Variants in IL1RAP observed in about 807,000 individuals in gnomAD.
IL1RAP encodes interleukin-1 receptor accessory protein.
In IL1RAP, 35 loss-of-function variants were observed where a neutral mutation model predicts 60.7. The ratio of observed to expected loss-of-function variants is 0.58; its 90% CI spans 0.44 to 0.76. The LOEUF (loss-of-function observed/expected upper bound fraction) is 0.76. IL1RAP is among the 30% of genes least tolerant of loss of function. The probability of loss-of-function intolerance (pLI) is 0.00; values close to 1 mark genes in which losing one functional copy is unlikely to be tolerated. For missense variants in IL1RAP, 572 were observed against 693.9 expected (o/e 0.82, Z 1.97); for synonymous variants, 268 against 250.9 (o/e 1.07, Z -0.64).
chr3:190,619,677 A>T lies in IL1RAP; in HGVS notation c.538-598A>T, dbSNP rs377595761. 2.3e-3 allele frequency among the ~76,000 whole-genome samples: 353 copies of T among 151,940 alleles called. 3 individuals carry two copies. Among genetic ancestry groups the T allele is most frequent in the African/African-American group, 8.2e-3 (341 of 41,396 alleles). On this transcript the variant is annotated intron_variant, in intron 5 of 11. Transcript: ENST00000447382. ...AAGACTGAGGTTGCAATGAGCTGAG[A>T]TCACGCCACTGCACTCCAGCCTGGG...
intron 3 of IL1RAP, among the ~76,000 whole-genome samples, chr3:190,582,618 A>C (rs999616193): frequency 1.4e-4 from 21 of 152,046 alleles, no homozygotes; most frequent in Admixed American, 1.4e-3. Context: ...TGCCTGGCAC[A>C]TTCTTAAATT....
chr3:190,580,967 G>C (rs1465676665), intron 3 of IL1RAP, among the ~76,000 whole-genome samples: 3 of 152,128 alleles, frequency 2.0e-5, no homozygotes, highest in African/African-American at 7.2e-5. Context: ...ACAGCTTTCT[G>C]TATGTCAATC....
intron 8 of IL1RAP, among the ~76,000 whole-genome samples, chr3:190,628,036 G>A (rs926232815): frequency 1.4e-4 from 22 of 151,968 alleles, no homozygotes; most frequent in South Asian, 1.2e-3. Context: ...ATACGTTTGT[G>A]TAATTTAAAT....
chr3:190,649,460 C>T lies in IL1RAP; in HGVS notation c.*755C>T. The T allele has an allele frequency of 1.0e-6, 1 of 985,592 alleles. No homozygotes were observed. Among genetic ancestry groups the T allele is most frequent in the East Asian group, 1.1e-4 (1 of 8,808 alleles). 61.1% of individuals were successfully genotyped at this position (985,592 alleles called of 1,614,324 possible). ...CCCTATCTGCTTATATCGCATTGCT[C>T]ATTTAGAGTTTGCAGGAGGCTCCAT... On this transcript the variant is annotated 3_prime_UTR_variant, in exon 12 of 12. Coordinates refer to ENST00000447382, the MANE Select transcript of IL1RAP (RefSeq NM_002182.4).
chr3:190,586,008 T>C (rs1728422024), intron 3 of IL1RAP, among the ~76,000 whole-genome samples: 1 of 152,014 alleles, frequency 6.6e-6, no homozygotes, highest in Non-Finnish European at 1.5e-5. Flanking sequence ...TAACTCATCA[T>C]GGCTCACATC....
intron 1 of IL1RAP, among the ~76,000 whole-genome samples, chr3:190,532,876 C>CT (rs1039586580): frequency 6.6e-6 from 1 of 152,160 alleles, no homozygotes; most frequent in Non-Finnish European, 1.5e-5. Context: ...TCCTTTTCTC[C>CT]TTTTTCAATT....
intron 4 of IL1RAP, among the ~76,000 whole-genome samples, 200 bp from the exon 5 acceptor site, chr3:190,608,791 GTTAA>G (rs1475629112): frequency 1.3e-5 from 2 of 150,872 alleles, no homozygotes; most frequent in Non-Finnish European, 3.0e-5. Context: ...ATTAATAGTA[GTTAA>G]TTAATTGTGC....
At chr3:190,634,354 T>G (rs1733024061) in intron 9 of IL1RAP, among the ~76,000 whole-genome samples, 1 of 150,910 alleles carries the variant, frequency 6.6e-6, no homozygotes, top group Admixed American at 6.6e-5. Flanking sequence ...AGTGGCGCGA[T>G]CTCGGCTCAG....
At chr3:190,641,482 G>A (rs1441272378) in intron 9 of IL1RAP, among the ~76,000 whole-genome samples, 3 of 152,152 alleles carry the variant, frequency 2.0e-5, no homozygotes, top group Admixed American at 6.5e-5. Context: ...AGTTCGATAC[G>A]TTAAGTAGCA....
intron 1 of IL1RAP, among the ~76,000 whole-genome samples, chr3:190,545,937 G>A (rs939154641): frequency 6.6e-6 from 1 of 152,092 alleles, no homozygotes; most frequent in African/African-American, 2.4e-5. Context: ...ATATTTTTGT[G>A]CTAATGGGAA....
intron 7 of IL1RAP, chr3:190,624,833 T>C (rs1164542079): frequency 6.2e-6 from 1 of 161,662 alleles, no homozygotes; most frequent in African/African-American, 2.4e-5. Context: ...CTGATGCGTA[T>C]CTCTGGGCCC....
At chr3:190,554,854 G>A (rs899401881) in intron 1 of IL1RAP, among the ~76,000 whole-genome samples, 51 of 152,040 alleles carry the variant, frequency 3.4e-4, no homozygotes, top group Admixed American at 3.2e-3. Context: ...CTATTAAAGT[G>A]TATAAAGTAG....
intron 9 of IL1RAP, among the ~76,000 whole-genome samples, chr3:190,634,905 C>T (rs537331172): frequency 2.0e-5 from 3 of 152,196 alleles, no homozygotes; most frequent in South Asian, 2.1e-4. Flanking sequence ...TCAGTAGAGA[C>T]GGGGTTTCAC....
chr3:190,655,613 A>T (rs1233694147), downstream of IL1RAP, among the ~76,000 whole-genome samples: 1 of 136,428 alleles, frequency 7.3e-6, no homozygotes, highest in African/African-American at 2.9e-5. Context: ...GTGTTTTAAG[A>T]AAGACTTATT....
In IL1RAP at chr3:190,648,856, A is replaced by G. The variant is rs1388299225; in HGVS notation, c.*151A>G. 7.0e-7 allele frequency: 1 copy of G among 1,423,356 alleles called. No homozygotes were observed. Among genetic ancestry groups the G allele is most frequent in the East Asian group, 2.5e-5 (1 of 39,288 alleles). 88.2% of individuals were successfully genotyped at this position (1,423,356 alleles called of 1,614,324 possible). On this transcript the variant is annotated 3_prime_UTR_variant, in exon 12 of 12. Coordinates refer to ENST00000447382, the MANE Select transcript of IL1RAP (RefSeq NM_002182.4). The stretch of plus-strand genomic sequence containing the variant: ...ATTTAGGGTGACTGTGTGGCTGACT[A>G]TTCTGCTTCCTCAGGCAACACTAAA...
chr3:190,645,547 C>T (rs2108858343), intron 10 of IL1RAP, 152 bp from the exon 11 acceptor site: 1 of 604,834 alleles, frequency 1.7e-6, no homozygotes, highest in Non-Finnish European at 2.9e-6. Context: ...TTCAAATAGT[C>T]GTTTTGCGTG....
chr3:190,596,145 C>T (rs775566057), intron 3 of IL1RAP, among the ~76,000 whole-genome samples: 2 of 152,202 alleles, frequency 1.3e-5, no homozygotes, highest in African/African-American at 2.4e-5. Context: ...CAAATCTTTG[C>T]TCTTTCTTTT....
intron 1 of IL1RAP, among the ~76,000 whole-genome samples, chr3:190,534,957 G>A: frequency 6.6e-6 from 1 of 151,746 alleles, no homozygotes; most frequent in East Asian, 1.9e-4. Context: ...AGTGAAGTGT[G>A]GGGCTTAGGA....
chr3:190,535,545 G>A (rs1283585764), intron 1 of IL1RAP, among the ~76,000 whole-genome samples: 3 of 151,936 alleles, frequency 2.0e-5, no homozygotes, highest in African/African-American at 4.8e-5. Context: ...AATTAACTAC[G>A]ACTTATAACT....
Sources: gnomAD v4.1 joint callset for allele counts (sites outside exome capture counted in the v4.1 genomes callset) on GRCh38, gnomAD v4.1.1 for gene constraint, MANE v1.5 for transcripts, NCBI Gene and HGNC (gene_info 2026-07-23, HGNC 2026-07-21) for gene names.